Variants in PLCB4 observed in about 807,000 individuals in gnomAD.
PLCB4 encodes phospholipase C beta 4.
In PLCB4, 77 loss-of-function variants were observed where a neutral mutation model predicts 178.8. The observed-to-expected ratio is 0.43, with a 90% CI of 0.36 to 0.52. The LOEUF (loss-of-function observed/expected upper bound fraction) is 0.52. Among genes scored for constraint, PLCB4 ranks in the 20% least tolerant of loss-of-function variants. The pLI, the probability that PLCB4 is intolerant of heterozygous loss-of-function variation, is 0.00. For synonymous variants in PLCB4, 496 were observed against 490.8 expected (o/e 1.01, Z -0.14); for missense variants, 1,024 against 1,453.4 (o/e 0.70, Z 4.80).
At chr20:9,194,219 T>C (rs1321450708) in intron 2 of PLCB4, among the ~76,000 whole-genome samples, 4 of 152,228 alleles carry the variant, frequency 2.6e-5, no homozygotes, top group Non-Finnish European at 5.9e-5. Flanking sequence ...GTGTTCCTTA[T>C]GATTAAATGA....
At chr20:9,384,972 T>C (rs1034242949) in intron 14 of PLCB4, among the ~76,000 whole-genome samples, 2 of 152,298 alleles carry the variant, frequency 1.3e-5, no homozygotes, top group East Asian at 3.9e-4. Flanking sequence ...GCAGTGTTTG[T>C]GTCCCTGGGT....
intron 2 of PLCB4, among the ~76,000 whole-genome samples, chr20:9,179,325 T>A (rs1396249203): frequency 6.6e-6 from 1 of 152,018 alleles, no homozygotes; most frequent in Non-Finnish European, 1.5e-5. Context: ...GGAGACTCAA[T>A]ATTGCTGGCT....
At chr20:9,375,352 A>T (rs1229046012) in intron 12 of PLCB4, among the ~76,000 whole-genome samples, 1 of 152,180 alleles carries the variant, frequency 6.6e-6, no homozygotes, top group Non-Finnish European at 1.5e-5. Flanking sequence ...TTGGAATGTA[A>T]GGGTCAATTA....
chr20:9,311,798 C>T (rs2094837560), intron 4 of PLCB4, among the ~76,000 whole-genome samples: 1 of 152,124 alleles, frequency 6.6e-6, no homozygotes, highest in Non-Finnish European at 1.5e-5. Context: ...GAGCTTTATT[C>T]TTAAGAAGGA....
At chr20:9,389,849 T>G in intron 15 of PLCB4, 30 bp from the exon 16 acceptor site, 1 of 1,292,112 alleles carries the variant, frequency 7.7e-7, no homozygotes, top group Non-Finnish European at 1.1e-6. Context: ...TGCTCTTTTC[T>G]CTCATTAACG....
At chr20:9,138,069 A>G (rs1352042437) in intron 2 of PLCB4, among the ~76,000 whole-genome samples, 1 of 152,148 alleles carries the variant, frequency 6.6e-6, no homozygotes, top group Non-Finnish European at 1.5e-5. Context: ...AGGTTAGTGA[A>G]TGACAGAAAT....
At position 9,479,067 on chromosome 20, in the gene PLCB4, C is replaced by A; in HGVS notation, c.*58C>A. The A allele has an allele frequency of 8.5e-7, 1 of 1,173,146 alleles. No individual in the cohort carries two copies. The highest frequency in any genetic ancestry group is 1.3e-6 in the Non-Finnish European group (1 of 786,118). 72.7% of individuals were successfully genotyped at this position (1,173,146 alleles called of 1,614,324 possible). ...CTCACAAACTTCTGAACACAAACTC[C>A]ATGGATGAAAGCTGTTTATTTTGTT... On this transcript the variant is annotated 3_prime_UTR_variant, in exon 40 of 40. Coordinates refer to ENST00000378473, the MANE Select transcript of PLCB4 (RefSeq NM_001377142.1).
intron 2 of PLCB4, among the ~76,000 whole-genome samples, chr20:9,150,452 A>G (rs1314344572): frequency 6.6e-6 from 1 of 152,136 alleles, no homozygotes; most frequent in African/African-American, 2.4e-5. Context: ...ATGACTTTTA[A>G]TGTGGTGTCT....
chr20:9,073,269 A>G (rs1388671598), intron 1 of PLCB4, among the ~76,000 whole-genome samples: 1 of 152,188 alleles, frequency 6.6e-6, no homozygotes, highest in African/African-American at 2.4e-5. Context: ...GAGATCAGAG[A>G]CCACAGACCA....
chr20:9,419,577 A>G (rs2040483762), intron 25 of PLCB4, among the ~76,000 whole-genome samples: 1 of 152,208 alleles, frequency 6.6e-6, no homozygotes, highest in Non-Finnish European at 1.5e-5. Context: ...GGGATAAAAA[A>G]GTTCCAGAGA....
chr20:9,079,286 G>A (rs767953658), intron 1 of PLCB4, among the ~76,000 whole-genome samples: 7 of 152,134 alleles, frequency 4.6e-5, no homozygotes, highest in Non-Finnish European at 1.0e-4. Flanking sequence ...CTTGTTAAAG[G>A]GACCTTTTGC....
At chr20:9,182,591 C>T (rs1474729146) in intron 2 of PLCB4, among the ~76,000 whole-genome samples, 1 of 152,132 alleles carries the variant, frequency 6.6e-6, no homozygotes, top group Non-Finnish European at 1.5e-5. Context: ...GCTGTAATAG[C>T]AAGTGACAGG....
intron 2 of PLCB4, among the ~76,000 whole-genome samples, chr20:9,175,025 A>G (rs1479143998): frequency 1.3e-5 from 2 of 152,206 alleles, no homozygotes; most frequent in Non-Finnish European, 2.9e-5. Flanking sequence ...TAGTTGATTC[A>G]TAGATATGCC....
chr20:9,239,529 A>C (rs1239550488), intron 3 of PLCB4, among the ~76,000 whole-genome samples: 1 of 152,218 alleles, frequency 6.6e-6, no homozygotes, highest in Non-Finnish European at 1.5e-5. Context: ...TGAATGCCCA[A>C]GTATCCAGGG....
At chr20:9,166,236 G>A (rs993559264) in intron 2 of PLCB4, 3 of 152,008 alleles carry the variant, frequency 2.0e-5, no homozygotes, top group Non-Finnish European at 4.4e-5. Context: ...AAGAGTTCAG[G>A]TGTGGCCTTC....
chr20:9,401,597 G>A lies in PLCB4; in HGVS notation c.1611+7G>A. The A allele has an allele frequency of 6.3e-7, 1 of 1,583,250 alleles. No individual in the cohort carries two copies. Among genetic ancestry groups the A allele is most frequent in the Non-Finnish European group, 8.7e-7 (1 of 1,152,498 alleles). On this transcript the variant is annotated splice_region_variant and intron_variant, in intron 20 of 39. Coordinates refer to ENST00000378473, the MANE Select transcript of PLCB4 (RefSeq NM_001377142.1). Reference sequence around the variant, plus strand: ...TGCAAATAGCGTCAAGAAGGTCAGAGTCCCCTTTCTTTCATCACTCTCAAG... The same window carrying A: ...TGCAAATAGCGTCAAGAAGGTCAGAATCCCCTTTCTTTCATCACTCTCAAG...
intron 3 of PLCB4, among the ~76,000 whole-genome samples, chr20:9,291,287 A>G (rs964105880): frequency 6.6e-6 from 1 of 152,130 alleles, no homozygotes; most frequent in African/African-American, 2.4e-5. Context: ...CTGCTGGTCT[A>G]TCAGAAAAAG....
chr20:9,476,006 A>G (rs565697092), intron 38 of PLCB4, among the ~76,000 whole-genome samples: 75 of 152,298 alleles, frequency 4.9e-4, no homozygotes, highest in Non-Finnish European at 7.9e-4. Flanking sequence ...ACATTCTCCC[A>G]TAGTATTTCC....
intron 3 of PLCB4, among the ~76,000 whole-genome samples, chr20:9,245,648 C>G (rs2094116808): frequency 6.6e-6 from 1 of 151,916 alleles, no homozygotes; most frequent in Non-Finnish European, 1.5e-5. Context: ...GAGTCTCCCC[C>G]TAGAACCTCT....
Sources: gnomAD v4.1 joint callset for allele counts (sites outside exome capture counted in the v4.1 genomes callset) on GRCh38, gnomAD v4.1.1 for gene constraint, MANE v1.5 for transcripts, NCBI Gene and HGNC (gene_info 2026-07-23, HGNC 2026-07-21) for gene names.